Variants in ACBD6 observed in about 807,000 individuals in gnomAD.
ACBD6 encodes acyl-CoA-binding domain-containing protein 6.
A neutral mutation model predicts 37.2 loss-of-function variants in ACBD6; 28 were observed. The observed-to-expected ratio is 0.75, with a 90% CI of 0.56 to 1.03. ACBD6 has a LOEUF of 1.03. Ranked by LOEUF, ACBD6 falls within the 50% of genes least tolerant of loss-of-function variation. The pLI is 0.00. For synonymous variants in ACBD6, 113 were observed against 126.8 expected, an observed-to-expected ratio of 0.89 and a Z score of 0.73; for missense variants, 340 against 337.4, an observed-to-expected ratio of 1.01 and a Z score of -0.06.
intron 6 of ACBD6, among the ~76,000 whole-genome samples, chr1:180,318,657 C>T (rs1650930108): frequency 6.6e-6 from 1 of 152,088 alleles, no homozygotes; most frequent in African/African-American, 2.4e-5. Context: ...AAAGAGCAAA[C>T]CCACCTTCAC....
chr1:180,359,930 T>A (rs113874272), intron 6 of ACBD6, among the ~76,000 whole-genome samples: 187 of 152,328 alleles, frequency 1.2e-3, no homozygotes, highest in African/African-American at 4.2e-3. Flanking sequence ...GAAAGTGAGA[T>A]ATTCCAGATA....
chr1:180,295,040 CTA>C (rs925396990), intron 7 of ACBD6, among the ~76,000 whole-genome samples: 29 of 152,052 alleles, frequency 1.9e-4, no homozygotes, highest in African/African-American at 6.3e-4. Flanking sequence ...GGCTAGAGGA[CTA>C]TGTTTTATTG....
chr1:180,467,448 C>CAAAAAAAAAAAAAAAAAAAA (rs57941230), intron 3 of ACBD6, among the ~76,000 whole-genome samples: 2 of 72,536 alleles, frequency 2.8e-5, no homozygotes, highest in Non-Finnish European at 4.8e-5. Flanking sequence ...TCCATCTCTG[C>CAAAAAAAAAAAAAAAAAAAA]AAAAAAAAAA....
chr1:180,476,054 G>A (rs1302024617), intron 3 of ACBD6, among the ~76,000 whole-genome samples: 1 of 152,106 alleles, frequency 6.6e-6, no homozygotes, highest in Non-Finnish European at 1.5e-5. Flanking sequence ...TATGGCTAGG[G>A]GAAAATAGCA....
chr1:180,356,267 ACTCAGGTGATCCTGCCAC>A (rs1225168886), intron 6 of ACBD6, among the ~76,000 whole-genome samples: 2 of 151,776 alleles, frequency 1.3e-5, no homozygotes, highest in Admixed American at 6.6e-5. Flanking sequence ...ACCTCCCTGG[ACTCAGGTGATCCTGCCAC>A]CTCAGCCTTC....
intron 7 of ACBD6, among the ~76,000 whole-genome samples, chr1:180,303,682 G>T (rs996032874): frequency 2.0e-5 from 3 of 150,914 alleles, no homozygotes; most frequent in South Asian, 4.2e-4. Context: ...GAGGTACAAG[G>T]AGGAGCTGGT....
At chr1:180,370,007 T>C (rs572044192) in intron 6 of ACBD6, among the ~76,000 whole-genome samples, 1 of 152,316 alleles carries the variant, frequency 6.6e-6, no homozygotes, top group East Asian at 1.9e-4. Context: ...ATCATTTCTT[T>C]GAGGCAATAT....
chr1:180,363,839 C>T (rs1462279658), intron 6 of ACBD6, among the ~76,000 whole-genome samples: 1 of 151,940 alleles, frequency 6.6e-6, no homozygotes, highest in Non-Finnish European at 1.5e-5. Context: ...ACCTTGAATT[C>T]CATTAGAAAG....
At chr1:180,354,181 G>C (rs139529125) in intron 6 of ACBD6, among the ~76,000 whole-genome samples, 1 of 152,330 alleles carries the variant, frequency 6.6e-6, no homozygotes, top group East Asian at 1.9e-4. Context: ...TCACTCAAGA[G>C]TCATTGATTG....
At chr1:180,376,898 C>T (rs1048745751) in intron 6 of ACBD6, among the ~76,000 whole-genome samples, 5 of 152,074 alleles carry the variant, frequency 3.3e-5, no homozygotes, top group Middle Eastern at 3.2e-3. Context: ...CGCATACAAA[C>T]ACCCACAAAT....
chr1:180,400,042 T>A (rs956160254), intron 5 of ACBD6, among the ~76,000 whole-genome samples: 4 of 152,210 alleles, frequency 2.6e-5, no homozygotes, highest in Non-Finnish European at 4.4e-5. Flanking sequence ...GCCACGTTCC[T>A]GAATTTTCCT....
intron 3 of ACBD6, among the ~76,000 whole-genome samples, chr1:180,439,857 C>CT (rs1337994360): frequency 1.3e-5 from 2 of 152,122 alleles, no homozygotes; most frequent in Admixed American, 1.3e-4. Flanking sequence ...GGAGTGATAA[C>CT]TTGCAGGTTC....
chr1:180,478,791 C>T (rs1248955985), intron 3 of ACBD6, among the ~76,000 whole-genome samples: 1 of 152,040 alleles, frequency 6.6e-6, no homozygotes, highest in African/African-American at 2.4e-5. Context: ...GCCTATAAAT[C>T]CCTTTTTTAA....
At chr1:180,310,624 G>A (rs1489706245) in intron 7 of ACBD6, among the ~76,000 whole-genome samples, 1 of 152,144 alleles carries the variant, frequency 6.6e-6, no homozygotes, top group Non-Finnish European at 1.5e-5. Flanking sequence ...TTCAATAAAT[G>A]TTCTAAATCA....
intron 6 of ACBD6, among the ~76,000 whole-genome samples, chr1:180,338,634 T>C (rs1464115761): frequency 3.3e-5 from 5 of 152,154 alleles, no homozygotes; most frequent in African/African-American, 1.2e-4. Context: ...ACTTCATGTC[T>C]AAAACACCAA....
At chr1:180,342,079 T>A (rs1652005202) in intron 6 of ACBD6, among the ~76,000 whole-genome samples, 1 of 152,138 alleles carries the variant, frequency 6.6e-6, no homozygotes, top group Admixed American at 6.6e-5. Context: ...TGTTCTACTG[T>A]TTAATGTGAA....
At chr1:180,432,327 C>G (rs1481987531) in intron 3 of ACBD6, among the ~76,000 whole-genome samples, 1 of 151,948 alleles carries the variant, frequency 6.6e-6, no homozygotes, top group African/African-American at 2.4e-5. Context: ...CAGCCATAAA[C>G]TGAAAGAAAA....
At chr1:180,422,279 C>T (rs1648401564) in intron 4 of ACBD6, among the ~76,000 whole-genome samples, 1 of 151,492 alleles carries the variant, frequency 6.6e-6, no homozygotes, top group African/African-American at 2.4e-5. Context: ...GATTTCGGCT[C>T]ACTGCAACCT....
At chr1:180,332,447 C>T (rs1443619729) in intron 6 of ACBD6, among the ~76,000 whole-genome samples, 1 of 152,182 alleles carries the variant, frequency 6.6e-6, no homozygotes, top group African/African-American at 2.4e-5. Context: ...ACAGTTGTTC[C>T]TCATCACTCA....
Sources: allele counts gnomAD v4.1 joint callset (sites outside exome capture counted in the v4.1 genomes callset), GRCh38; gene constraint gnomAD v4.1.1; transcripts MANE v1.5; gene names NCBI Gene and HGNC (gene_info 2026-07-23, HGNC 2026-07-21).